The following TAF1 variants were observed in gnomAD, a reference collection of about 807,000 sequenced individuals.
TAF1 encodes transcription initiation factor TFIID subunit 1.
In TAF1, 2 loss-of-function variants were observed where a neutral mutation model predicts 138.5. That is an observed-to-expected ratio of 0.01 (90% confidence interval 0.01 to 0.05). TAF1 has a LOEUF of 0.05. Ranked by LOEUF, TAF1 falls within the 10% of genes least tolerant of loss-of-function variation. The probability of loss-of-function intolerance (pLI) is 1.00; values close to 1 mark genes in which losing one functional copy is unlikely to be tolerated. For missense variants in TAF1, 709 were observed against 1,478.0 expected (o/e 0.48, Z 8.53); for synonymous variants, 437 against 503.2 (o/e 0.87, Z 1.76).
At chrX:71,394,386 A>T (rs1391228467) in intron 22 of TAF1, 141 bp downstream of exon 22, 2 of 801,014 alleles carry the variant, frequency 2.5e-6, no homozygotes, top group African/African-American at 2.1e-5. Context: ...ATGAAGTAGA[A>T]AGCTTTTTAC....
At position 71,411,586 on chromosome X, in the gene TAF1, A is replaced by G. The variant is rs2035792107; in HGVS notation, c.4384+3435A>G. Among the ~76,000 whole-genome samples the G allele has an allele frequency of 3.6e-5, 4 of 112,632 alleles. No homozygotes were observed. In the Admixed American group the frequency reaches 3.8e-4, roughly 11 times the overall value. ...TCCATATACTGTTCTCCACTTTTTC[A>G]CTTACTGTTTATGCCTCACAACCCT... On this transcript the variant is annotated intron_variant, in intron 28 of 37. Coordinates refer to ENST00000423759, the MANE Select transcript of TAF1 (RefSeq NM_004606.5).
intron 17 of TAF1, 65 bp from the exon 18 acceptor site, chrX:71,389,520 A>T: frequency 1.0e-6 from 1 of 1,001,232 alleles, no homozygotes; most frequent in Non-Finnish European, 1.4e-6. Flanking sequence ...GTATTCAGTA[A>T]AAAAAAAACT....
chrX:71,423,667 A>G (rs1270101019), intron 30 of TAF1, among the ~76,000 whole-genome samples: 1 of 111,586 alleles, frequency 9.0e-6, no homozygotes, highest in Non-Finnish European at 1.9e-5. Flanking sequence ...TTCTCAACAG[A>G]GTTTCCTTTT....
chrX:71,468,115 G>T (rs1269847717), downstream of TAF1, among the ~76,000 whole-genome samples: 1 of 109,359 alleles, frequency 9.1e-6, no homozygotes, highest in African/African-American at 3.3e-5. Context: ...AAATTAGCCG[G>T]GCATGGTGGC....
chrX:71,385,561 CCA>C, intron 14 of TAF1, among the ~76,000 whole-genome samples: 1 of 110,463 alleles, frequency 9.1e-6, no homozygotes, highest in East Asian at 2.8e-4. Context: ...GTATGATGGT[CCA>C]CAAATGATGT....
At chrX:71,504,741 CAAAAAAAA>C (rs41370846) in intron 13 of TAF1, among the ~76,000 whole-genome samples, 9 of 5,694 alleles carry the variant, frequency 1.6e-3, no homozygotes, top group Admixed American at 8.3e-3. Context: ...GACCCTGTCT[CAAAAAAAA>C]AAAAAAAAAA....
At chrX:71,504,769 AAAAAG>A (rs1569409398) in intron 13 of TAF1, among the ~76,000 whole-genome samples, 1 of 102,753 alleles carries the variant, frequency 9.7e-6, no homozygotes, top group Non-Finnish European at 2.0e-5. Context: ...AAAAAAAAAA[AAAAAG>A]AAAAGAAAAA....
chrX:71,374,091 CTT>C (rs57625882), intron 3 of TAF1, among the ~76,000 whole-genome samples: 2 of 104,297 alleles, frequency 1.9e-5, no homozygotes, highest in African/African-American at 3.4e-5. Context: ...TTCTTTCTTT[CTT>C]TTTTTTTTTT....
At chrX:71,456,644 ATTTTCTTTTTTTTTTTT>A (rs2038299110) in intron 34 of TAF1, among the ~76,000 whole-genome samples, 1 of 30,025 alleles carries the variant, frequency 3.3e-5, no homozygotes, top group Non-Finnish European at 6.4e-5. Flanking sequence ...TCAATAATGT[ATTTTCTTTTTTTTTTTT>A]TTTTTTTTTT....
chrX:71,395,147 A>C (rs1273329617), intron 22 of TAF1, among the ~76,000 whole-genome samples: 2 of 111,987 alleles, frequency 1.8e-5, no homozygotes, highest in Non-Finnish European at 3.8e-5. Context: ...ATTAAGGATG[A>C]AAATCAAGGC....
chrX:71,409,750 C>T (rs1471509417), intron 28 of TAF1, among the ~76,000 whole-genome samples: 2 of 111,392 alleles, frequency 1.8e-5, no homozygotes, highest in South Asian at 7.5e-4. Flanking sequence ...TACCCACTAT[C>T]GACCCCTGCC....
chrX:71,412,650 C>T lies in TAF1; in HGVS notation c.4384+4499C>T, dbSNP rs1033090682. Among the ~76,000 whole-genome samples, 3 of 111,886 alleles carry T rather than the reference C, an allele frequency of 2.7e-5. No individual in the cohort carries two copies. In the Admixed American group the frequency reaches 2.8e-4, roughly 11 times the overall value. Reference sequence around the variant, plus strand: ...TTGCCCAGGCCGGAGTGCAGTGGCACGATCTCCGCTCACTGCAACCTCCAC... The same window carrying T: ...TTGCCCAGGCCGGAGTGCAGTGGCATGATCTCCGCTCACTGCAACCTCCAC... On this transcript the variant is annotated intron_variant, in intron 28 of 37. Transcript: ENST00000423759.
intron 35 of TAF1, among the ~76,000 whole-genome samples, chrX:71,458,674 G>C (rs1355543668): frequency 3.6e-5 from 4 of 112,008 alleles, no homozygotes; most frequent in African/African-American, 1.3e-4. Context: ...ACTGCACTCA[G>C]ACAGTTCAAA....
chrX:71,449,382 C>G (rs1396751520), intron 32 of TAF1, among the ~76,000 whole-genome samples: 2 of 112,694 alleles, frequency 1.8e-5, no homozygotes, highest in African/African-American at 3.2e-5. Context: ...CCTCAGCCTC[C>G]CAAAATGCTG....
chrX:71,375,363 G>A, intron 4 of TAF1, 77 bp downstream of exon 4: 1 of 1,111,910 alleles, frequency 9.0e-7, no homozygotes, highest in Non-Finnish European at 1.2e-6. Flanking sequence ...CACACATAAG[G>A]GACAAACTTA....
intron 28 of TAF1, chrX:71,420,198 G>A (rs2148582002): frequency 1.7e-6 from 1 of 597,109 alleles, no homozygotes; most frequent in Non-Finnish European, 2.9e-6. Context: ...GGTGGTCCGG[G>A]CATGGTAGCG....
At chrX:71,480,844 C>T (rs1026849396) in intron 13 of TAF1, among the ~76,000 whole-genome samples, 8 of 111,886 alleles carry the variant, frequency 7.2e-5, no homozygotes, top group African/African-American at 2.3e-4. Context: ...AATTATGTGG[C>T]TATCTGGGGG....
At chrX:71,529,728 A>G (rs1352573361) in exon 15 of TAF1, 1 of 332,000 alleles carries the variant, frequency 3.0e-6, no homozygotes, top group East Asian at 9.7e-5. Context: ...GGCTGAAGAT[A>G]GTGAAAATCC....
At chrX:71,439,995 CGTGCCATATATAT>C (rs755523893) in intron 32 of TAF1, among the ~76,000 whole-genome samples, 1 of 110,976 alleles carries the variant, frequency 9.0e-6, no homozygotes, top group Non-Finnish European at 1.9e-5. Context: ...TGTGCAATTT[CGTGCCATATATAT>C]GTTCCTGTAA....
Sources: gnomAD v4.1 joint callset for allele counts (sites outside exome capture counted in the v4.1 genomes callset) on GRCh38, gnomAD v4.1.1 for gene constraint, MANE v1.5 for transcripts, NCBI Gene and HGNC (gene_info 2026-07-23, HGNC 2026-07-21) for gene names.